Variants in KCNQ3 observed in about 807,000 individuals in gnomAD.
KCNQ3 encodes the protein potassium voltage-gated channel subfamily Q member 3, also known as potassium voltage-gated channel subfamily KQT member 3.
In KCNQ3, 30 loss-of-function variants were observed where a neutral mutation model predicts 92.5. The observed-to-expected ratio is 0.32, with a 90% CI of 0.24 to 0.44. KCNQ3 has a LOEUF of 0.44. KCNQ3 is among the 20% of genes least tolerant of loss of function. KCNQ3 has a pLI of 1.00. For missense variants in KCNQ3, 913 were observed against 1,140.3 expected (o/e 0.80, Z 2.87); for synonymous variants, 450 against 468.8 (o/e 0.96, Z 0.52).
intron 1 of KCNQ3, among the ~76,000 whole-genome samples, chr8:132,376,780 T>G (rs779084765): frequency 6.6e-6 from 1 of 152,196 alleles, no homozygotes; most frequent in Admixed American, 6.5e-5. Context: ...TCTCTTCATT[T>G]CATTAAGAAA....
At chr8:132,173,161 G>A (rs141383113) in intron 6 of KCNQ3, among the ~76,000 whole-genome samples, 320 of 152,268 alleles carry the variant, frequency 2.1e-3, no homozygotes, top group African/African-American at 6.9e-3. Flanking sequence ...GACTATAGCC[G>A]GAACTTCCCA....
chr8:132,156,677 C>T (rs1825804129), intron 9 of KCNQ3, among the ~76,000 whole-genome samples: 1 of 152,168 alleles, frequency 6.6e-6, no homozygotes, highest in African/African-American at 2.4e-5. Context: ...TGCAACCTAC[C>T]ACACTTGTTT....
chr8:132,268,802 G>C (rs1477636447), intron 1 of KCNQ3, among the ~76,000 whole-genome samples: 2 of 152,202 alleles, frequency 1.3e-5, no homozygotes, highest in African/African-American at 4.8e-5. Flanking sequence ...GTAAGAAACT[G>C]TCAAACTGTC....
chr8:132,273,420 C>G (rs1004566476), intron 1 of KCNQ3, among the ~76,000 whole-genome samples: 1 of 152,196 alleles, frequency 6.6e-6, no homozygotes, highest in Non-Finnish European at 1.5e-5. Flanking sequence ...AGTCCTTAGG[C>G]TGCACACAGC....
At chr8:132,479,994 C>CACACACACACACACA (rs1554660748) in intron 1 of KCNQ3, among the ~76,000 whole-genome samples, 153 bp downstream of exon 1, 8 of 111,100 alleles carry the variant, frequency 7.2e-5, no homozygotes, top group Non-Finnish European at 1.6e-4. Context: ...ACACACACAC[C>CACACACACACACACA]CAGGGAAACG....
At chr8:132,229,417 G>A (rs1298177489) in intron 1 of KCNQ3, among the ~76,000 whole-genome samples, 1 of 152,144 alleles carries the variant, frequency 6.6e-6, no homozygotes, top group Non-Finnish European at 1.5e-5. Context: ...AGGACTTCAA[G>A]TCAACTTGAC....
At chr8:132,297,373 T>C (rs537237798) in intron 1 of KCNQ3, among the ~76,000 whole-genome samples, 2 of 152,326 alleles carry the variant, frequency 1.3e-5, no homozygotes, top group South Asian at 4.1e-4. Context: ...TTTCTTTTGC[T>C]GTGCAGAAGC....
intron 1 of KCNQ3, among the ~76,000 whole-genome samples, chr8:132,370,576 T>A (rs1819447229): frequency 6.6e-6 from 1 of 151,844 alleles, no homozygotes. Flanking sequence ...TCCAATCAAT[T>A]GGGAAGAGGA....
At chr8:132,172,827 A>C (rs1826423531) in intron 6 of KCNQ3, 134 bp from the exon 7 acceptor site, 4 of 713,044 alleles carry the variant, frequency 5.6e-6, no homozygotes, top group Non-Finnish European at 7.7e-6. Context: ...TGTACAAAGA[A>C]GGGAAGGGGG....
At position 132,125,688 on chromosome 8, in the gene KCNQ3, C is replaced by T. The variant is rs1824642823; in HGVS notation, c.*3574G>A. The T allele has an allele frequency of 6.6e-6, 1 of 152,142 alleles. No individual in the cohort carries two copies. The highest frequency in any genetic ancestry group is 2.4e-5 in the African/African-American group (1 of 41,430). 9.4% of individuals were successfully genotyped at this position (152,142 alleles called of 1,614,324 possible). A position where few individuals can be genotyped will look rare whatever the true frequency, so the allele number is the denominator to read the frequency against. On this transcript the variant is annotated 3_prime_UTR_variant, in exon 15 of 15. Transcript: ENST00000388996. ...TTCAAACTACAGTGTCTAGGAAGTACCTTGCACAAAATAGACACAGGATGC... is the reference window on the plus strand; with the variant it reads ...TTCAAACTACAGTGTCTAGGAAGTATCTTGCACAAAATAGACACAGGATGC...
chr8:132,140,042 C>T (rs1347306028), intron 11 of KCNQ3, 34 bp downstream of exon 11: 2 of 1,417,088 alleles, frequency 1.4e-6, no homozygotes, highest in Middle Eastern at 1.8e-4. Context: ...GCGGGGGAGG[C>T]ACACAGGCAC....
intron 1 of KCNQ3, among the ~76,000 whole-genome samples, chr8:132,232,399 T>C (rs1405336647): frequency 6.6e-6 from 1 of 152,252 alleles, no homozygotes; most frequent in African/African-American, 2.4e-5. Context: ...CAATCGTTGA[T>C]AATTTTATGC....
intron 1 of KCNQ3, among the ~76,000 whole-genome samples, chr8:132,337,733 A>C (rs1818404311): frequency 1.3e-5 from 2 of 152,128 alleles, no homozygotes; most frequent in South Asian, 4.2e-4. Flanking sequence ...AGGAAAATGC[A>C]TTTGCCCTCA....
chr8:132,252,767 G>A (rs1815457371), intron 1 of KCNQ3, among the ~76,000 whole-genome samples: 1 of 152,016 alleles, frequency 6.6e-6, no homozygotes, highest in South Asian at 2.1e-4. Flanking sequence ...ACTAGACACA[G>A]AGCGCTGATT....
intron 1 of KCNQ3, among the ~76,000 whole-genome samples, chr8:132,313,474 A>G (rs1440253597): frequency 6.6e-6 from 1 of 152,238 alleles, no homozygotes; most frequent in Non-Finnish European, 1.5e-5. Flanking sequence ...ACTAACCCAC[A>G]ATGACTTAAA....
At chr8:132,405,281 C>T (rs1025204337) in intron 1 of KCNQ3, among the ~76,000 whole-genome samples, 1 of 152,114 alleles carries the variant, frequency 6.6e-6, no homozygotes, top group African/African-American at 2.4e-5. Context: ...GCTGCAAGGG[C>T]GGGTATGGGG....
intron 1 of KCNQ3, among the ~76,000 whole-genome samples, chr8:132,189,255 C>T (rs1388931504): frequency 6.6e-6 from 1 of 152,198 alleles, no homozygotes; most frequent in Non-Finnish European, 1.5e-5. Flanking sequence ...CCTTCCCTGA[C>T]CCCAGCTGCT....
intron 1 of KCNQ3, among the ~76,000 whole-genome samples, chr8:132,414,721 A>C (rs970397482): frequency 2.0e-5 from 3 of 152,356 alleles, no homozygotes; most frequent in Non-Finnish European, 4.4e-5. Flanking sequence ...GGAGAAACAA[A>C]AGCGGAAGAA....
chr8:132,467,275 G>A (rs1822195226), intron 1 of KCNQ3, among the ~76,000 whole-genome samples: 1 of 152,160 alleles, frequency 6.6e-6, no homozygotes, highest in Non-Finnish European at 1.5e-5. Context: ...CCATGGCACA[G>A]AGAAATAACA....
Sources: allele counts gnomAD v4.1 joint callset (sites outside exome capture counted in the v4.1 genomes callset), GRCh38; gene constraint gnomAD v4.1.1; transcripts MANE v1.5; gene names NCBI Gene and HGNC (gene_info 2026-07-23, HGNC 2026-07-21).